Variants in SLC6A11 observed in about 807,000 individuals in gnomAD.
The protein encoded by SLC6A11 is sodium- and chloride-dependent GABA transporter 3.
Under a neutral mutation model 74.8 loss-of-function variants are expected in SLC6A11, and 25 were observed. The ratio of observed to expected loss-of-function variants is 0.33; its 90% CI spans 0.24 to 0.47. SLC6A11 has a LOEUF of 0.47. Ranked by LOEUF, SLC6A11 falls within the 20% of genes least tolerant of loss-of-function variation. SLC6A11 has a pLI of 1.00. For synonymous variants in SLC6A11, 330 were observed against 330.2 expected, an observed-to-expected ratio of 1.00 and a Z score of 0.01; for missense variants, 574 against 837.0, an observed-to-expected ratio of 0.69 and a Z score of 3.88.
intron 11 of SLC6A11, 32 bp from the exon 12 acceptor site, chr3:10,934,034 G>A (rs1377350444): frequency 1.4e-6 from 2 of 1,466,880 alleles, no homozygotes; most frequent in East Asian, 2.3e-5. Context: ...TCTCTGGGGT[G>A]TGTATGTTCC....
chr3:10,920,455 T>G (rs1336584021), intron 8 of SLC6A11, among the ~76,000 whole-genome samples: 1 of 152,214 alleles, frequency 6.6e-6, no homozygotes, highest in Non-Finnish European at 1.5e-5. Context: ...TAATAAAGCA[T>G]GAGGAGCTTA....
In SLC6A11 at chr3:10,915,019, G is replaced by A. The variant is rs1695437403; in HGVS notation, c.995+2826G>A. Among the ~76,000 whole-genome samples the A allele has an allele frequency of 6.6e-6, 1 of 152,162 alleles. No homozygotes were observed. The highest frequency in any genetic ancestry group is 6.5e-5 in the Admixed American group (1 of 15,282). On this transcript the variant is annotated intron_variant, in intron 7 of 13. Coordinates refer to ENST00000254488, the MANE Select transcript of SLC6A11 (RefSeq NM_014229.3). The surrounding 1 kb of genome is among the most constrained non-coding windows in gnomAD (Gnocchi z 4.3). The stretch of plus-strand genomic sequence containing the variant: ...TTAGTGCTGGCTTCCATGCAGGGCA[G>A]TCAGAAAGAAACCACCCCATTACAT...
At chr3:10,896,068 G>T (rs1213771422) in intron 6 of SLC6A11, among the ~76,000 whole-genome samples, 1 of 152,234 alleles carries the variant, frequency 6.6e-6, no homozygotes, top group East Asian at 1.9e-4. Context: ...TGTCCACTGG[G>T]CCTGGCAAAG....
chr3:10,869,318 G>T (rs541954790), intron 5 of SLC6A11, among the ~76,000 whole-genome samples: 1 of 152,216 alleles, frequency 6.6e-6, no homozygotes, highest in Non-Finnish European at 1.5e-5. Context: ...TGGGCAGACA[G>T]TGTGGTTTAT....
chr3:10,859,600 G>A (rs758582501), intron 5 of SLC6A11, among the ~76,000 whole-genome samples: 13 of 152,098 alleles, frequency 8.5e-5, no homozygotes, highest in South Asian at 4.1e-4. Context: ...GCCTGTGGAT[G>A]TTTCAAGGTA....
At chr3:10,921,518 T>C (rs1250612064) in intron 8 of SLC6A11, among the ~76,000 whole-genome samples, 1 of 152,162 alleles carries the variant, frequency 6.6e-6, no homozygotes, top group Non-Finnish European at 1.5e-5. Context: ...AAATTAAAAA[T>C]ATTTATTAAC....
intron 6 of SLC6A11, among the ~76,000 whole-genome samples, chr3:10,900,060 C>T (rs529181879): frequency 6.6e-6 from 1 of 152,252 alleles, no homozygotes; most frequent in Admixed American, 6.5e-5. Flanking sequence ...CTGCCCTGGG[C>T]AGAAATGGGG....
chr3:10,905,492 A>G (rs1231361040), intron 6 of SLC6A11, among the ~76,000 whole-genome samples: 1 of 152,234 alleles, frequency 6.6e-6, no homozygotes, highest in Non-Finnish European at 1.5e-5. Flanking sequence ...CTATGCTTTA[A>G]TCTTTGTGTG....
intron 10 of SLC6A11, among the ~76,000 whole-genome samples, chr3:10,932,674 A>G (rs1184208541): frequency 2.0e-5 from 3 of 152,228 alleles, no homozygotes; most frequent in Non-Finnish European, 4.4e-5. Context: ...GGAGGGCAGC[A>G]GCCGTGACTA....
chr3:10,826,792 G>A (rs1694215887), intron 4 of SLC6A11, among the ~76,000 whole-genome samples: 1 of 152,184 alleles, frequency 6.6e-6, no homozygotes, highest in South Asian at 2.1e-4. Context: ...TCACCCAACA[G>A]CATTGATTAA....
intron 1 of SLC6A11, among the ~76,000 whole-genome samples, chr3:10,819,162 G>A (rs1324905808): frequency 6.6e-6 from 1 of 152,146 alleles, no homozygotes; most frequent in Non-Finnish European, 1.5e-5. Flanking sequence ...TTTTTTAAAT[G>A]AGCCAATGAA....
chr3:10,893,494 G>A (rs552733685), intron 6 of SLC6A11, among the ~76,000 whole-genome samples: 1 of 152,154 alleles, frequency 6.6e-6, no homozygotes, highest in Non-Finnish European at 1.5e-5. Flanking sequence ...AGAAAACTCA[G>A]TTTTTCTGAT....
At chr3:10,862,949 C>T (rs764114077) in intron 5 of SLC6A11, among the ~76,000 whole-genome samples, 5 of 152,190 alleles carry the variant, frequency 3.3e-5, no homozygotes, top group African/African-American at 4.8e-5. Context: ...AATTCAACTG[C>T]GAGTATTTTA....
At chr3:10,867,610 G>A (rs1480860497) in intron 5 of SLC6A11, among the ~76,000 whole-genome samples, 3 of 152,194 alleles carry the variant, frequency 2.0e-5, no homozygotes, top group African/African-American at 7.2e-5. Flanking sequence ...AGAGAGCAAG[G>A]AAGGACCTCA....
At chr3:10,897,281 C>A (rs574198661) in intron 6 of SLC6A11, among the ~76,000 whole-genome samples, 9 of 152,280 alleles carry the variant, frequency 5.9e-5, no homozygotes, top group African/African-American at 2.2e-4. Flanking sequence ...ATTTCAAAAC[C>A]AATCATGCCT....
chr3:10,819,322 G>C, intron 1 of SLC6A11, 143 bp from the exon 2 acceptor site: 1 of 786,816 alleles, frequency 1.3e-6, no homozygotes, highest in Non-Finnish European at 2.1e-6. Flanking sequence ...GCTGTTTTCT[G>C]ACTCTGGTCT....
chr3:10,926,440 A>T lies in SLC6A11; in HGVS notation c.1233+324A>T, dbSNP rs2272396. ...TTGCTAAATACTTCCCTTCTGCTCA[A>T]CCACTCCTGCCAACAGCACTGCCTG... On this transcript the variant is annotated intron_variant, in intron 9 of 13. Transcript: ENST00000254488. The surrounding 1 kb of genome is among the most constrained non-coding windows in gnomAD (Gnocchi z 5.7). 1.3e-5 allele frequency among the ~76,000 whole-genome samples: 2 copies of T among 152,124 alleles called. No homozygotes were observed. The highest frequency in any genetic ancestry group is 4.8e-5 in the African/African-American group (2 of 41,416).
chr3:10,880,959 G>A (rs1694968619), intron 6 of SLC6A11, among the ~76,000 whole-genome samples: 1 of 152,124 alleles, frequency 6.6e-6, no homozygotes, highest in Non-Finnish European at 1.5e-5. Context: ...CCTCTTCTGG[G>A]GTTCCCTCCC....
chr3:10,823,494 G>A lies in SLC6A11; in HGVS notation c.623+102G>A, dbSNP rs1425528505. 11 of 768,570 alleles carry A rather than the reference G, an allele frequency of 1.4e-5. No homozygotes were observed. In the African/African-American group the frequency reaches 1.5e-4, roughly 11 times the overall value. 47.6% of individuals were successfully genotyped at this position (768,570 alleles called of 1,614,324 possible). A position where few individuals can be genotyped will look rare whatever the true frequency, so the allele number is the denominator to read the frequency against. ...TCCTGGAAAAAGCCTGATCCTTCTT[G>A]CAGCCTGGCACTTCCTGGCTTCTGT... On this transcript the variant is annotated intron_variant, in intron 4 of 13. Coordinates refer to ENST00000254488, the MANE Select transcript of SLC6A11 (RefSeq NM_014229.3).
Sources: allele counts gnomAD v4.1 joint callset (sites outside exome capture counted in the v4.1 genomes callset), GRCh38; gene constraint gnomAD v4.1.1; non-coding constraint Gnocchi (gnomAD v3.1); transcripts MANE v1.5; gene names NCBI Gene and HGNC (gene_info 2026-07-23, HGNC 2026-07-21).